ZNF461: variants seen among roughly 807,000 people sequenced by gnomAD.
ZNF461 encodes the protein gonadotropin-inducible ovarian transcription factor-1.
A neutral mutation model predicts 18.3 loss-of-function variants in ZNF461; 16 were observed. The ratio of observed to expected loss-of-function variants is 0.88; its 90% CI spans 0.59 to 1.33. The LOEUF (loss-of-function observed/expected upper bound fraction) is 1.33. Among genes scored for constraint, ZNF461 ranks in the 40% most tolerant of loss-of-function variants. ZNF461 has a pLI of 0.00. For synonymous variants in ZNF461, 179 were observed against 216.9 expected, an observed-to-expected ratio of 0.83 and a Z score of 1.54; for missense variants, 595 against 669.9, an observed-to-expected ratio of 0.89 and a Z score of 1.23.
chr19:36,663,178 T>G (rs2037845592), intron 2 of ZNF461, among the ~76,000 whole-genome samples: 1 of 152,214 alleles, frequency 6.6e-6, no homozygotes, highest in African/African-American at 2.4e-5. Flanking sequence ...TAGTCTGTTT[T>G]CTTTATTCTG....
Position 36,638,688 on chromosome 19 carries a change from G to A in ZNF461, c.1657C>T (p.Pro553Ser). The change falls in exon 6 of 6, where the codon CCT becomes TCT. Residue 553 changes from proline to serine, a missense_variant. Coordinates refer to ENST00000588268, the MANE Select transcript of ZNF461 (RefSeq NM_153257.5). ...AGACTAGGATGGGGAGGGAGGAGAGGAAACCTGACTGGCTTCTCGCCAGTA... is the reference window on the plus strand; with the variant it reads ...AGACTAGGATGGGGAGGGAGGAGAGAAAACCTGACTGGCTTCTCGCCAGTA... ...LHTGEKPVRF[P>S]LLPPHPSLAS The A allele has an allele frequency of 6.2e-7, 1 of 1,612,908 alleles. No individual in the cohort carries two copies. Among genetic ancestry groups the A allele is most frequent in the South Asian group, 1.1e-5 (1 of 91,018 alleles).
chr19:36,651,420 G>A (rs1003556938), intron 4 of ZNF461, among the ~76,000 whole-genome samples: 6 of 151,488 alleles, frequency 4.0e-5, no homozygotes, highest in Admixed American at 2.0e-4. Flanking sequence ...CATAGATTAT[G>A]AAATAAAAAG....
In ZNF461 at chr19:36,636,950, C is replaced by T. The variant is rs1483565406; in HGVS notation, c.*1703G>A. 6.6e-6 allele frequency among the ~76,000 whole-genome samples: 1 copy of T among 152,118 alleles called. No homozygotes were observed. The highest frequency in any genetic ancestry group is 1.9e-4 in the East Asian group (1 of 5,176). ...AGCACAGTGTTTATAGATAAGAGAG[C>T]AGGTCACACTCTGGTCATAGGAACG... On this transcript the variant is annotated 3_prime_UTR_variant, in exon 6 of 6. Transcript: ENST00000588268.
intron 3 of ZNF461, 104 bp from the exon 4 acceptor site, chr19:36,656,647 C>T (rs1473967203): frequency 1.2e-5 from 10 of 859,374 alleles, no homozygotes; most frequent in Non-Finnish European, 1.8e-5. Context: ...AAAAATGGTA[C>T]TTGATAAGGG....
At chr19:36,658,519 A>T in intron 2 of ZNF461, 94 bp from the exon 3 acceptor site, 1 of 1,291,544 alleles carries the variant, frequency 7.7e-7, no homozygotes, top group Non-Finnish European at 1.1e-6. Flanking sequence ...GCAAGGAAGG[A>T]GACAGTCTAC....
Position 36,656,558 on chromosome 19 carries a change from A to G in ZNF461, c.137-15T>C, listed in dbSNP as rs773324095. ...AACAGAAAGTCCTAGTTATAAGAAAAGAAATTGAGATGAGATGGAAATGAA... is the reference window on the plus strand; with the variant it reads ...AACAGAAAGTCCTAGTTATAAGAAAGGAAATTGAGATGAGATGGAAATGAA... On this transcript the variant is annotated splice_polypyrimidine_tract_variant and intron_variant, in intron 3 of 5. Coordinates refer to ENST00000588268, the MANE Select transcript of ZNF461 (RefSeq NM_153257.5). 4 of 1,594,730 alleles carry G rather than the reference A, an allele frequency of 2.5e-6. No homozygotes were observed. The highest frequency in any genetic ancestry group is 3.4e-6 in the Non-Finnish European group (4 of 1,162,722).
intron 2 of ZNF461, among the ~76,000 whole-genome samples, chr19:36,661,940 G>T (rs1165413765): frequency 6.6e-6 from 1 of 152,004 alleles, no homozygotes; most frequent in Non-Finnish European, 1.5e-5. Flanking sequence ...CACAATCTCG[G>T]CTCACTGCAA....
chr19:36,643,746 T>G (rs551727804), intron 5 of ZNF461, 48 bp downstream of exon 5: 1 of 1,455,466 alleles, frequency 6.9e-7, no homozygotes, highest in African/African-American at 1.5e-5. Context: ...TAGCTGACTT[T>G]GTTACCAGTA....
In ZNF461 at chr19:36,639,347, T is replaced by G. The variant is rs1367889463; in HGVS notation, c.998A>C (p.Gln333Pro). ...GCCACGAATAAAAGCCTTCCCACAT[T>G]GCTTACATTCATAGGGTTTTTCACC... is the stretch of plus-strand genomic sequence containing the variant. ...HTGEKPYECK[Q>P]CGKAFIRGFQ... Residue 333 changes from glutamine to proline, a missense_variant, in exon 6 of 6, where the codon CAA (glutamine) becomes CCA (proline). By Grantham distance (76) the Gln-to-Pro change is moderately conservative. Coordinates refer to ENST00000588268, the MANE Select transcript of ZNF461 (RefSeq NM_153257.5). 6.2e-7 allele frequency: 1 copy of G among 1,613,996 alleles called. No individual in the cohort carries two copies. The highest frequency in any genetic ancestry group is 8.5e-7 in the Non-Finnish European group (1 of 1,180,024).
rs61750934 is a variant in ZNF461, at chr19:36,638,866, A to G, written c.1479T>C (p.Gly493=). Residue 493 remains glycine (G), a synonymous_variant, in exon 6 of 6, where the codon GGT becomes GGC. Coordinates refer to ENST00000588268, the MANE Select transcript of ZNF461 (RefSeq NM_153257.5). ...HLIQHQRIHT[G]EKPYECKECG... ...ATTCCTTACATTCATAGGGTTTCTC[A>G]CCAGTATGAATTCTTTGATGTTGAA... 6,018 of 1,613,284 alleles carry G rather than the reference A, an allele frequency of 3.7e-3. 184 individuals are homozygous for G. In the Admixed American group the frequency reaches 0.062, roughly 17 times the overall value.
chr19:36,643,988 A>G, intron 4 of ZNF461, 126 bp from the exon 5 acceptor site: 1 of 717,738 alleles, frequency 1.4e-6, no homozygotes, highest in Middle Eastern at 5.1e-4. Context: ...GCTGGAGTGC[A>G]ATCACACAAT....
At chr19:36,666,010 G>C (rs2037918188) in intron 1 of ZNF461, among the ~76,000 whole-genome samples, 1 of 152,060 alleles carries the variant, frequency 6.6e-6, no homozygotes, top group South Asian at 2.1e-4. Flanking sequence ...GCGTGTGTCT[G>C]TGTGTGAGAG....
intron 4 of ZNF461, among the ~76,000 whole-genome samples, chr19:36,653,008 G>T (rs2037655995): frequency 6.6e-6 from 1 of 152,104 alleles, no homozygotes; most frequent in Non-Finnish European, 1.5e-5. Context: ...TTGCCATTAA[G>T]GAAATTCAAA....
At chr19:36,662,429 G>A (rs1253865716) in intron 2 of ZNF461, among the ~76,000 whole-genome samples, 1 of 151,434 alleles carries the variant, frequency 6.6e-6, no homozygotes, top group African/African-American at 2.4e-5. Context: ...GCTAATTTTT[G>A]TATTTTTAGT....
Position 36,639,914 on chromosome 19 carries a change from A to G in ZNF461, c.431T>C (p.Ile144Thr), listed in dbSNP as rs2037392335. The change falls in exon 6 of 6, where the codon ATC (isoleucine) becomes ACC (threonine). Residue 144 changes from isoleucine (I) to threonine (T), a missense_variant. Ile to Thr is a moderately conservative substitution (Grantham distance 89). Coordinates refer to ENST00000588268, the MANE Select transcript of ZNF461 (RefSeq NM_153257.5). ...HSPERSIFSA[I>T]WEGNCHFEQH... is the part of the protein sequence containing the mutation. Reference sequence around the variant, plus strand: ...CTCAAAATGACAGTTGCCTTCCCAGATAGCGCTGAAAATTGATCTCTCAGG... The same window carrying G: ...CTCAAAATGACAGTTGCCTTCCCAGGTAGCGCTGAAAATTGATCTCTCAGG... 2 of 1,613,778 alleles carry G rather than the reference A, an allele frequency of 1.2e-6. No individual in the cohort carries two copies. Among genetic ancestry groups the G allele is most frequent in the Non-Finnish European group, 1.7e-6 (2 of 1,179,878 alleles).
At chr19:36,664,623 C>T in intron 2 of ZNF461, 75 bp downstream of exon 2, 2 of 1,213,286 alleles carry the variant, frequency 1.6e-6, no homozygotes, top group African/African-American at 1.6e-5. Context: ...AGTCACATGC[C>T]CTATACAAAA....
intron 4 of ZNF461, chr19:36,645,303 A>G (rs2037506006): frequency 6.6e-6 from 1 of 152,216 alleles, no homozygotes; most frequent in Non-Finnish European, 1.5e-5. Flanking sequence ...CTAAAATTCC[A>G]TTAAGAGGGT....
At position 36,640,017 on chromosome 19, in the gene ZNF461, T is replaced by C. The variant is rs761756385; in HGVS notation, c.328A>G (p.Lys110Glu). Residue 110 changes from lysine (K) to glutamate (E), a missense_variant, in exon 6 of 6, where the codon AAG becomes GAG. Lys to Glu is a moderately conservative substitution (Grantham distance 56). Coordinates refer to ENST00000588268, the MANE Select transcript of ZNF461 (RefSeq NM_153257.5). ...TAAATATCCCTTTTTGGAGATAACT[T>C]CTGGGGCTCATCTCTGGATGCCAAG... ...ADLASRDEPQ[K>E]LSPKRDIYET... 1 of 1,610,206 alleles carries C rather than the reference T, an allele frequency of 6.2e-7. No individual in the cohort carries two copies. The highest frequency in any genetic ancestry group is 8.5e-7 in the Non-Finnish European group (1 of 1,177,662).
rs2145356481 is a variant in ZNF461 at position 36,638,922 on chromosome 19, C to G, written c.1423G>C (p.Gly475Arg). 3 of 1,607,014 alleles carry G rather than the reference C, an allele frequency of 1.9e-6. No homozygotes were observed. In the East Asian group the frequency reaches 6.7e-5, roughly 36 times the overall value. ...TGTGAATGAAGTCTAAAGGCCTTACCACATATCATGCATTCATGAGGTTTC... is the reference window on the plus strand; with the variant it reads ...TGTGAATGAAGTCTAAAGGCCTTACGACATATCATGCATTCATGAGGTTTC... ...GEKPHECMIC[G>R]KAFRLHSHLI... is the part of the protein sequence containing the mutation. The change falls in exon 6 of 6, where the codon GGT (glycine) becomes CGT (arginine). Residue 475 changes from glycine to arginine, a missense_variant. By Grantham distance (125) the Gly-to-Arg change is moderately radical. Transcript: ENST00000588268.
Sources: allele counts gnomAD v4.1 joint callset (sites outside exome capture counted in the v4.1 genomes callset), GRCh38; gene constraint gnomAD v4.1.1; transcripts MANE v1.5; gene names NCBI Gene and HGNC (gene_info 2026-07-23, HGNC 2026-07-21).